Variants in TRAPPC9 observed in about 807,000 individuals in gnomAD.
TRAPPC9 encodes trafficking protein particle complex subunit 9, also known as IKK2 binding protein.
A neutral mutation model predicts 124.0 loss-of-function variants in TRAPPC9; 83 were observed. That is an observed-to-expected ratio of 0.67 (90% CI 0.56 to 0.80). The LOEUF is 0.80. Ranked by LOEUF, TRAPPC9 falls within the 30% of genes least tolerant of loss-of-function variation. TRAPPC9 has a pLI of 0.00. For synonymous variants in TRAPPC9, 638 were observed against 617.5 expected (o/e 1.03, Z -0.49); for missense variants, 1,302 against 1,508.3 (o/e 0.86, Z 2.27).
intron 17 of TRAPPC9, among the ~76,000 whole-genome samples, chr8:140,207,946 G>A (rs1563846426): frequency 1.3e-5 from 2 of 152,272 alleles, no homozygotes; most frequent in East Asian, 3.9e-4. Flanking sequence ...GAGGTCAGGA[G>A]TTTGAGACCA....
In TRAPPC9 at chr8:140,057,173, C is replaced by T. The variant is rs556516907; in HGVS notation, c.2557-33094G>A. On this transcript the variant is annotated intron_variant, in intron 17 of 22. Transcript: ENST00000438773. The stretch of plus-strand genomic sequence containing the variant: ...TCACACCTGTTAGGATGACTATTAT[C>T]AAAATCAAAATGACAAGTATTAGTG... Among the ~76,000 whole-genome samples, 15 of 152,242 alleles carry T rather than the reference C, an allele frequency of 9.9e-5. No homozygotes were observed. In the East Asian group the frequency reaches 2.7e-3, roughly 27 times the overall value.
intron 19 of TRAPPC9, among the ~76,000 whole-genome samples, chr8:139,967,829 T>G (rs1835800626): frequency 6.6e-6 from 1 of 152,288 alleles, no homozygotes; most frequent in Middle Eastern, 3.4e-3. Flanking sequence ...GCACGCTTTG[T>G]TTTTGTTTTT....
chr8:139,747,098 C>G (rs1168306202), intron 21 of TRAPPC9, among the ~76,000 whole-genome samples: 1 of 152,198 alleles, frequency 6.6e-6, no homozygotes, highest in African/African-American at 2.4e-5. Context: ...TCCTCTGTCC[C>G]CAAGCAATGT....
intron 2 of TRAPPC9, among the ~76,000 whole-genome samples, chr8:140,443,512 G>A (rs1465394385): frequency 6.6e-6 from 1 of 152,028 alleles, no homozygotes; most frequent in African/African-American, 2.4e-5. Flanking sequence ...GTTTTGGGGT[G>A]GGGAGCCTTT....
At chr8:139,887,117 G>A (rs1380603087) in intron 20 of TRAPPC9, among the ~76,000 whole-genome samples, 1 of 152,014 alleles carries the variant, frequency 6.6e-6, no homozygotes, top group Non-Finnish European at 1.5e-5. Flanking sequence ...GAGCCCGCCG[G>A]TCACACCACC....
chr8:139,983,185 G>A (rs1287723066), intron 19 of TRAPPC9, among the ~76,000 whole-genome samples: 2 of 152,140 alleles, frequency 1.3e-5, no homozygotes, highest in African/African-American at 2.4e-5. Context: ...CTCCAACTAC[G>A]AAGCAGGAAA....
At chr8:140,263,245 G>A (rs949199192) in intron 15 of TRAPPC9, among the ~76,000 whole-genome samples, 1 of 152,076 alleles carries the variant, frequency 6.6e-6, no homozygotes, top group Non-Finnish European at 1.5e-5. Context: ...TGCTGCCCCC[G>A]CCCTGCCCAC....
At chr8:139,855,725 G>A (rs1360919279) in intron 21 of TRAPPC9, among the ~76,000 whole-genome samples, 1 of 152,206 alleles carries the variant, frequency 6.6e-6, no homozygotes, top group African/African-American at 2.4e-5. Flanking sequence ...AGCGGCATGT[G>A]GGGCATGTCC....
intron 19 of TRAPPC9, among the ~76,000 whole-genome samples, chr8:139,979,473 C>T (rs910753378): frequency 6.6e-5 from 10 of 152,206 alleles, no homozygotes; most frequent in Non-Finnish European, 1.2e-4. Flanking sequence ...GGCGTCATGG[C>T]TCCTGCACTC....
chr8:139,849,500 A>T (rs62528716), intron 21 of TRAPPC9, among the ~76,000 whole-genome samples: 27,221 of 152,264 alleles, frequency 0.18, 2,727 homozygotes, highest in East Asian at 0.45. Flanking sequence ...TCTAGCCACA[A>T]GAATGTCTTA....
At chr8:140,452,289 A>AGCTACTT (rs2071492222) in intron 1 of TRAPPC9, among the ~76,000 whole-genome samples, 4 of 151,534 alleles carry the variant, frequency 2.6e-5, no homozygotes, top group African/African-American at 7.3e-5. Flanking sequence ...GCGTGGTGGC[A>AGCTACTT]GGCACCTGTA....
chr8:139,845,202 TTCTGGGTC>T (rs1413929796), intron 21 of TRAPPC9, among the ~76,000 whole-genome samples: 1 of 152,190 alleles, frequency 6.6e-6, no homozygotes, highest in Non-Finnish European at 1.5e-5. Context: ...AAATTACTTT[TTCTGGGTC>T]TCAGGAATGA....
At chr8:140,431,198 T>C (rs1471618426) in intron 4 of TRAPPC9, among the ~76,000 whole-genome samples, 2 of 152,028 alleles carry the variant, frequency 1.3e-5, no homozygotes, top group African/African-American at 4.8e-5. Flanking sequence ...GGCTCACGCC[T>C]GTAATCCCAG....
chr8:139,851,938 G>C (rs1827495564), intron 21 of TRAPPC9, among the ~76,000 whole-genome samples: 1 of 152,256 alleles, frequency 6.6e-6, no homozygotes, highest in South Asian at 2.1e-4. Context: ...TGGAGGGTCT[G>C]CCAGGGGAAT....
At chr8:139,743,380 T>C (rs538571277) in intron 21 of TRAPPC9, among the ~76,000 whole-genome samples, 1 of 152,340 alleles carries the variant, frequency 6.6e-6, no homozygotes, top group South Asian at 2.1e-4. Flanking sequence ...ATATCTAATT[T>C]GGGATTTAAA....
chr8:140,033,669 T>TTTTTTTG (rs1563706687), intron 17 of TRAPPC9, among the ~76,000 whole-genome samples: 23 of 73,278 alleles, frequency 3.1e-4, no homozygotes, highest in South Asian at 9.8e-4. Context: ...TTTTTTTTTT[T>TTTTTTTG]TTTTTTTTTT....
At chr8:139,821,633 C>T (rs1395305563) in intron 21 of TRAPPC9, among the ~76,000 whole-genome samples, 1 of 152,240 alleles carries the variant, frequency 6.6e-6, no homozygotes, top group Non-Finnish European at 1.5e-5. Context: ...TTCTATACTG[C>T]TTTGCATTAT....
At chr8:140,178,268 G>A (rs77187013) in intron 17 of TRAPPC9, among the ~76,000 whole-genome samples, 185 of 152,186 alleles carry the variant, frequency 1.2e-3, no homozygotes, top group African/African-American at 4.2e-3. Context: ...GTTAGCAAGT[G>A]GGCTTCTATT....
At chr8:139,963,991 G>A (rs533693879) in intron 19 of TRAPPC9, among the ~76,000 whole-genome samples, 25 of 152,140 alleles carry the variant, frequency 1.6e-4, no homozygotes, top group East Asian at 5.8e-4. Context: ...TTGGGAGGCC[G>A]AGGCGGGTGG....
Sources: allele counts gnomAD v4.1 joint callset (sites outside exome capture counted in the v4.1 genomes callset), GRCh38; gene constraint gnomAD v4.1.1; transcripts MANE v1.5; gene names NCBI Gene and HGNC (gene_info 2026-07-23, HGNC 2026-07-21).